GOLM2: variants seen among roughly 807,000 people sequenced by gnomAD.
GOLM2 encodes the protein protein GOLM2.
A neutral mutation model predicts 55.9 loss-of-function variants in GOLM2; 26 were observed. That is an observed-to-expected ratio of 0.47 (90% CI 0.34 to 0.65). GOLM2 has a LOEUF of 0.65. Among genes scored for constraint, GOLM2 ranks in the 30% least tolerant of loss-of-function variants. The pLI, the probability that GOLM2 is intolerant of heterozygous loss-of-function variation, is 0.01. For missense variants in GOLM2, 486 were observed against 531.8 expected (o/e 0.91, Z 0.85); for synonymous variants, 165 against 194.6 (o/e 0.85, Z 1.27).
intron 6 of GOLM2, among the ~76,000 whole-genome samples, chr15:44,352,350 G>A (rs552957286): frequency 1.1e-4 from 17 of 152,242 alleles, no homozygotes; most frequent in Non-Finnish European, 2.4e-4. Flanking sequence ...ATGGTGCTGG[G>A]GAAGCTGAAT....
chr15:44,370,192 C>A (rs969557836), intron 6 of GOLM2, among the ~76,000 whole-genome samples: 11 of 152,212 alleles, frequency 7.2e-5, no homozygotes, highest in Admixed American at 2.6e-4. Context: ...CCTTTGGCAA[C>A]ACCCTCACAG....
intron 1 of GOLM2, among the ~76,000 whole-genome samples, chr15:44,294,249 A>G (rs1054633592): frequency 1.3e-5 from 2 of 152,088 alleles, no homozygotes; most frequent in African/African-American, 4.8e-5. Flanking sequence ...TCTCCAAGGA[A>G]CCTTGGTTCC....
chr15:44,343,615 C>T (rs1330930025), intron 6 of GOLM2, among the ~76,000 whole-genome samples: 2 of 151,700 alleles, frequency 1.3e-5, no homozygotes, highest in Non-Finnish European at 2.9e-5. Context: ...CACTTGAGGC[C>T]AGGAGTTTGA....
At chr15:44,310,489 TAC>T (rs1352234793) in intron 1 of GOLM2, among the ~76,000 whole-genome samples, 23 of 131,984 alleles carry the variant, frequency 1.7e-4, no homozygotes, top group Admixed American at 3.6e-4. Context: ...TATATATATA[TAC>T]ACACACACAC....
At chr15:44,335,946 C>T (rs1397737861) in intron 4 of GOLM2, among the ~76,000 whole-genome samples, 1 of 151,180 alleles carries the variant, frequency 6.6e-6, no homozygotes, top group East Asian at 1.9e-4. Context: ...TTCTGAGTAG[C>T]TGGGATTACA....
intron 6 of GOLM2, among the ~76,000 whole-genome samples, chr15:44,357,030 G>C (rs1232410539): frequency 2.0e-5 from 3 of 151,936 alleles, no homozygotes; most frequent in Non-Finnish European, 4.4e-5. Flanking sequence ...AAACTAGCCA[G>C]GTGTGGTGGC....
At chr15:44,326,367 G>T (rs2141134356) in intron 2 of GOLM2, among the ~76,000 whole-genome samples, 1 of 151,082 alleles carries the variant, frequency 6.6e-6, no homozygotes, top group South Asian at 2.1e-4. Context: ...TTTCATACTT[G>T]ATTATTATAC....
intron 8 of GOLM2, chr15:44,390,074 A>T (rs936249897): frequency 1.3e-5 from 2 of 152,182 alleles, no homozygotes; most frequent in African/African-American, 4.8e-5. Flanking sequence ...AGAGCTGCAT[A>T]TTTTTGTAAA....
chr15:44,377,501 G>A (rs996116171), intron 6 of GOLM2, among the ~76,000 whole-genome samples: 7 of 152,170 alleles, frequency 4.6e-5, no homozygotes, highest in Admixed American at 4.6e-4. Flanking sequence ...CCCCCAAGTA[G>A]CTGGGGTTAC....
intron 6 of GOLM2, chr15:44,354,965 C>T: frequency 6.5e-6 from 1 of 153,610 alleles, no homozygotes; most frequent in South Asian, 2.0e-4. Context: ...GTGATGCTGG[C>T]ACTGGTTGTG....
At chr15:44,321,660 A>G (rs998414634) in intron 1 of GOLM2, among the ~76,000 whole-genome samples, 2 of 152,188 alleles carry the variant, frequency 1.3e-5, no homozygotes, top group African/African-American at 4.8e-5. Flanking sequence ...GTTACATAAG[A>G]TGCACCCATT....
intron 1 of GOLM2, among the ~76,000 whole-genome samples, chr15:44,299,773 GTTCCT>G (rs746074034): frequency 1.3e-4 from 19 of 151,854 alleles, no homozygotes; most frequent in Non-Finnish European, 2.4e-4. Context: ...AATAATATTG[GTTCCT>G]TTCTTTCATG....
chr15:44,414,406 A>G lies in GOLM2; in HGVS notation c.*1000A>G, dbSNP rs2079659815. The G allele has an allele frequency of 6.6e-6, 1 of 152,234 alleles. No homozygotes were observed. Among genetic ancestry groups the G allele is most frequent in the African/African-American group, 2.4e-5 (1 of 41,456 alleles). 9.4% of individuals were successfully genotyped at this position (152,234 alleles called of 1,614,324 possible). On this transcript the variant is annotated 3_prime_UTR_variant, in exon 10 of 10. Transcript: ENST00000299957. The stretch of plus-strand genomic sequence containing the variant: ...TTTATGAGTTATATCTTAGTTCTTG[A>G]AATTGTGGAATGCATGATTGACAAT...
intron 6 of GOLM2, among the ~76,000 whole-genome samples, chr15:44,345,276 ATT>A (rs559512939): frequency 5.8e-5 from 8 of 137,572 alleles, no homozygotes; most frequent in African/African-American, 1.6e-4. Flanking sequence ...CATCCAGCTA[ATT>A]TTTTTTTTTT....
In GOLM2 at chr15:44,403,058, A is replaced by G; in HGVS notation, c.1240+4A>G. ...GGTGGAGAGGAAGACGTCCAAGGTG[A>G]GCGTGGGCCTGGCCTCCATGCTATA... is the stretch of plus-strand genomic sequence containing the variant. On this transcript the variant is annotated splice_donor_region_variant and intron_variant, in intron 9 of 9. Transcript: ENST00000299957. 6.2e-7 allele frequency: 1 copy of G among 1,614,090 alleles called. No homozygotes were observed. Among genetic ancestry groups the G allele is most frequent in the Non-Finnish European group, 8.5e-7 (1 of 1,180,002 alleles).
At chr15:44,376,816 C>T (rs772868438) in intron 6 of GOLM2, among the ~76,000 whole-genome samples, 2 of 145,520 alleles carry the variant, frequency 1.4e-5, no homozygotes, top group Non-Finnish European at 3.0e-5. Context: ...AGGTGTGGGG[C>T]TTATAACTAT....
chr15:44,377,516 G>A (rs1166702930), intron 6 of GOLM2, among the ~76,000 whole-genome samples: 4 of 152,198 alleles, frequency 2.6e-5, no homozygotes, highest in African/African-American at 4.8e-5. Flanking sequence ...GGTTACAGGC[G>A]TGTGCCACCA....
intron 6 of GOLM2, among the ~76,000 whole-genome samples, chr15:44,344,016 T>A (rs2079105838): frequency 6.6e-6 from 1 of 151,686 alleles, no homozygotes; most frequent in Non-Finnish European, 1.5e-5. Flanking sequence ...AGATTACAGC[T>A]GGATAGGCTG....
chr15:44,301,792 A>G (rs2078799579), intron 1 of GOLM2, among the ~76,000 whole-genome samples: 1 of 151,986 alleles, frequency 6.6e-6, no homozygotes, highest in Non-Finnish European at 1.5e-5. Flanking sequence ...CATGCCTATA[A>G]TCCCATTTAC....
Sources: allele counts gnomAD v4.1 joint callset (sites outside exome capture counted in the v4.1 genomes callset), GRCh38; gene constraint gnomAD v4.1.1; transcripts MANE v1.5; gene names NCBI Gene and HGNC (gene_info 2026-07-23, HGNC 2026-07-21).